Variants in PDGFC observed in about 807,000 individuals in gnomAD.
The protein encoded by PDGFC is platelet-derived growth factor C.
PDGFC carries 12 observed loss-of-function variants against 35.5 expected under a neutral mutation model. The ratio of observed to expected loss-of-function variants is 0.34; its 90% CI spans 0.22 to 0.55. The LOEUF (loss-of-function observed/expected upper bound fraction) is 0.55. PDGFC is among the 20% of genes least tolerant of loss of function. PDGFC has a pLI of 0.91. For missense variants in PDGFC, 322 were observed against 412.4 expected (o/e 0.78, Z 1.90); for synonymous variants, 159 against 148.8 (o/e 1.07, Z -0.50).
chr4:156,767,385 C>T (rs759079145), intron 5 of PDGFC, among the ~76,000 whole-genome samples: 8 of 152,124 alleles, frequency 5.3e-5, no homozygotes, highest in Middle Eastern at 3.4e-3. Flanking sequence ...AATATCAAAG[C>T]TCTCCTTTCT....
chr4:156,780,642 A>C (rs1730951566), intron 3 of PDGFC, among the ~76,000 whole-genome samples: 1 of 152,198 alleles, frequency 6.6e-6, no homozygotes, highest in Non-Finnish European at 1.5e-5. Flanking sequence ...CTTTGGAGTA[A>C]GAAATAAGGG....
chr4:156,860,657 T>A (rs1729689069), intron 1 of PDGFC, among the ~76,000 whole-genome samples: 2 of 152,208 alleles, frequency 1.3e-5, no homozygotes, highest in Non-Finnish European at 2.9e-5. Context: ...AAATGTCTTT[T>A]ACTTCTTTTC....
chr4:156,867,670 G>A (rs1459032064), intron 1 of PDGFC, among the ~76,000 whole-genome samples: 2 of 152,116 alleles, frequency 1.3e-5, no homozygotes, highest in Non-Finnish European at 2.9e-5. Context: ...ACAACCTCAT[G>A]AGCTTCATAT....
intron 2 of PDGFC, among the ~76,000 whole-genome samples, chr4:156,824,327 T>TATACAC (rs1491500876): frequency 1.6e-4 from 16 of 102,812 alleles, no homozygotes; most frequent in Non-Finnish European, 1.9e-4. Flanking sequence ...TATATATATA[T>TATACAC]ACACACACAC....
At chr4:156,924,032 A>C (rs910233910) in intron 1 of PDGFC, among the ~76,000 whole-genome samples, 1 of 152,180 alleles carries the variant, frequency 6.6e-6, no homozygotes, top group Non-Finnish European at 1.5e-5. Flanking sequence ...AAGCTACATC[A>C]GTTAAAATAT....
intron 1 of PDGFC, among the ~76,000 whole-genome samples, chr4:156,959,502 A>G (rs910694680): frequency 5.3e-5 from 8 of 152,098 alleles, no homozygotes; most frequent in Middle Eastern, 3.4e-3. Context: ...ACCACAGGCT[A>G]GTTAAACAAG....
At chr4:156,878,467 C>T (rs112513202) in intron 1 of PDGFC, among the ~76,000 whole-genome samples, 222 of 152,128 alleles carry the variant, frequency 1.5e-3, no homozygotes, top group African/African-American at 5.2e-3. Flanking sequence ...TAACATAATT[C>T]CTTTGTTCAA....
chr4:156,794,584 G>C (rs1268060084), intron 3 of PDGFC, among the ~76,000 whole-genome samples: 3 of 151,740 alleles, frequency 2.0e-5, no homozygotes, highest in Non-Finnish European at 4.4e-5. Context: ...ACTTTGGTGA[G>C]TAATATTTTT....
intron 1 of PDGFC, among the ~76,000 whole-genome samples, chr4:156,962,628 T>C (rs1347285396): frequency 1.3e-5 from 2 of 152,154 alleles, no homozygotes; most frequent in Non-Finnish European, 2.9e-5. Context: ...GAAAACAATG[T>C]TCTAATAAAA....
At chr4:156,918,053 C>T (rs2110830010) in intron 1 of PDGFC, among the ~76,000 whole-genome samples, 1 of 152,246 alleles carries the variant, frequency 6.6e-6, no homozygotes, top group East Asian at 1.9e-4. Flanking sequence ...ATTACTTTTG[C>T]ACTAACCTAA....
intron 2 of PDGFC, among the ~76,000 whole-genome samples, chr4:156,831,717 C>T (rs977732741): frequency 4.6e-5 from 7 of 151,720 alleles, no homozygotes; most frequent in South Asian, 4.2e-4. Context: ...GCTAGGATTA[C>T]AGGTGTGAGC....
intron 1 of PDGFC, among the ~76,000 whole-genome samples, chr4:156,875,039 A>G (rs1730079585): frequency 6.6e-6 from 1 of 152,072 alleles, no homozygotes; most frequent in South Asian, 2.1e-4. Context: ...TTTAAACATT[A>G]TTTTTAAATG....
chr4:156,879,748 T>G (rs1730198327), intron 1 of PDGFC, among the ~76,000 whole-genome samples: 1 of 152,306 alleles, frequency 6.6e-6, no homozygotes, highest in Admixed American at 6.5e-5. Flanking sequence ...GAAATAAACA[T>G]AGTTCTTTCA....
At chr4:156,846,254 C>A (rs1729322832) in intron 2 of PDGFC, among the ~76,000 whole-genome samples, 1 of 151,760 alleles carries the variant, frequency 6.6e-6, no homozygotes, top group Admixed American at 6.6e-5. Flanking sequence ...ACAGAGAAAT[C>A]TGGTGGATAG....
chr4:156,953,642 A>G (rs1023442366), intron 1 of PDGFC, among the ~76,000 whole-genome samples: 2 of 151,996 alleles, frequency 1.3e-5, no homozygotes, highest in African/African-American at 2.4e-5. Context: ...GAATGATAAT[A>G]CTTTCAAAGT....
At chr4:156,777,862 C>T (rs556173175) in intron 3 of PDGFC, among the ~76,000 whole-genome samples, 7 of 152,032 alleles carry the variant, frequency 4.6e-5, no homozygotes, top group Admixed American at 2.0e-4. Context: ...CAGCACTTCC[C>T]GAAGCCAAGG....
chr4:156,841,073 A>G (rs980561973), intron 2 of PDGFC, among the ~76,000 whole-genome samples: 1 of 151,870 alleles, frequency 6.6e-6, no homozygotes, highest in Non-Finnish European at 1.5e-5. Flanking sequence ...TAATACTTGA[A>G]AGAGTTAAGA....
rs577638036 is a variant in PDGFC at position 156,869,209 on chromosome 4, G to A, written c.119-18793C>T. On this transcript the variant is annotated intron_variant, in intron 1 of 5. Transcript: ENST00000502773. ...AGCACTTTGGGAGGCAGAGGCGGGC[G>A]GATCACAAGGTCAGGAGATCGAGAC... 2.0e-3 allele frequency among the ~76,000 whole-genome samples: 307 copies of A among 152,092 alleles called. 1 individual carries two copies. Among genetic ancestry groups the A allele is most frequent in the Non-Finnish European group, 3.4e-3 (230 of 67,956 alleles).
chr4:156,906,126 T>C (rs372793565), intron 1 of PDGFC, among the ~76,000 whole-genome samples: 260 of 152,272 alleles, frequency 1.7e-3, no homozygotes, highest in Middle Eastern at 3.4e-3. Flanking sequence ...TCTGAAGTTA[T>C]CAGAAATTTT....
Sources: gnomAD v4.1 joint callset for allele counts (sites outside exome capture counted in the v4.1 genomes callset) on GRCh38, gnomAD v4.1.1 for gene constraint, MANE v1.5 for transcripts, NCBI Gene and HGNC (gene_info 2026-07-23, HGNC 2026-07-21) for gene names.